Variants in PCDH15 observed in about 807,000 individuals in gnomAD.
The protein encoded by PCDH15 is protocadherin-15.
In PCDH15, 129 loss-of-function variants were observed where a neutral mutation model predicts 178.5. The ratio of observed to expected loss-of-function variants is 0.72; its 90% CI spans 0.63 to 0.84. The LOEUF (loss-of-function observed/expected upper bound fraction) is 0.84, where lower values mean the gene tolerates loss of function less well. PCDH15 is among the 40% of genes least tolerant of loss of function. PCDH15 has a pLI of 0.00. For synonymous variants in PCDH15, 800 were observed against 732.0 expected (o/e 1.09, Z -1.50); for missense variants, 2,230 against 2,099.9 (o/e 1.06, Z -1.21).
At chr10:54,005,257 A>T (rs1196877387) in intron 20 of PCDH15, among the ~76,000 whole-genome samples, 2 of 152,122 alleles carry the variant, frequency 1.3e-5, no homozygotes, top group Admixed American at 6.6e-5. Flanking sequence ...CTAGGCAAAG[A>T]TTTCTTGAGT....
At chr10:54,378,992 C>A (rs779802990) in intron 3 of PCDH15, 50 bp from the exon 4 acceptor site, 18 of 1,603,138 alleles carry the variant, frequency 1.1e-5, no homozygotes, top group South Asian at 6.6e-5. Flanking sequence ...CATATGAATT[C>A]TTTAGCAAAG....
At chr10:54,764,180 C>T (rs58796057) in intron 1 of PCDH15, among the ~76,000 whole-genome samples, 11,251 of 151,896 alleles carry the variant, frequency 0.074, 1,397 homozygotes, top group African/African-American at 0.26. Context: ...ATTCCAGGCA[C>T]AAACTGATCA....
intron 25 of PCDH15, among the ~76,000 whole-genome samples, chr10:53,932,087 G>A (rs1409643318): frequency 6.6e-6 from 1 of 152,204 alleles, no homozygotes; most frequent in Non-Finnish European, 1.5e-5. Flanking sequence ...GTTTAAAACA[G>A]ACATGGTCAA....
intron 2 of PCDH15, among the ~76,000 whole-genome samples, chr10:55,400,935 G>A (rs921701882): frequency 1.6e-4 from 25 of 152,042 alleles, no homozygotes; most frequent in African/African-American, 5.6e-4. Flanking sequence ...AGTGGGTGGC[G>A]TGGGAGATAA....
intron 26 of PCDH15, among the ~76,000 whole-genome samples, chr10:53,871,451 C>CGTGTGTGTGTGTGTGT (rs71461208): frequency 4.8e-5 from 7 of 146,804 alleles, no homozygotes; most frequent in South Asian, 2.2e-4. Context: ...TATATTCATA[C>CGTGTGTGTGTGTGTGT]GTGTGTGTGT....
At chr10:54,882,340 T>C (rs1346176454) in intron 3 of PCDH15, among the ~76,000 whole-genome samples, 1 of 152,038 alleles carries the variant, frequency 6.6e-6, no homozygotes, top group Non-Finnish European at 1.5e-5. Context: ...GGAGCCACTT[T>C]TTAAAGGATT....
At chr10:54,311,058 AC>A (rs1188470756) in intron 8 of PCDH15, among the ~76,000 whole-genome samples, 1 of 152,126 alleles carries the variant, frequency 6.6e-6, no homozygotes, top group East Asian at 1.9e-4. Flanking sequence ...TCATAGATAA[AC>A]CAGAGAAGCT....
chr10:54,434,225 A>G (rs1471927583), intron 3 of PCDH15, among the ~76,000 whole-genome samples: 1 of 149,974 alleles, frequency 6.7e-6, no homozygotes, highest in Non-Finnish European at 1.5e-5. Context: ...AAGATACAGT[A>G]AGCTAAGATT....
At chr10:55,006,616 C>T (rs1839933801) in intron 2 of PCDH15, among the ~76,000 whole-genome samples, 1 of 151,862 alleles carries the variant, frequency 6.6e-6, no homozygotes, top group Non-Finnish European at 1.5e-5. Context: ...GTCATTTAAA[C>T]GTGTATGGCA....
chr10:54,348,517 A>T (rs1446607570), intron 5 of PCDH15, among the ~76,000 whole-genome samples: 2 of 152,226 alleles, frequency 1.3e-5, no homozygotes, highest in Non-Finnish European at 2.9e-5. Context: ...CTTATCTTTT[A>T]TAAATATTCA....
At chr10:54,164,343 T>C (rs112746850) in intron 13 of PCDH15, among the ~76,000 whole-genome samples, 4 of 152,326 alleles carry the variant, frequency 2.6e-5, no homozygotes, top group African/African-American at 9.6e-5. Flanking sequence ...TAAATTCATT[T>C]ATGTAGTTAG....
upstream of PCDH15, chr10:54,801,331 CT>C (rs1272253689): frequency 2.0e-5 from 3 of 152,206 alleles, no homozygotes; most frequent in African/African-American, 7.2e-5. Context: ...AGCTATCTTG[CT>C]TCTCGCAGCA....
chr10:53,866,773 C>A lies in PCDH15; in HGVS notation c.3586G>T (p.Val1196Leu). The change falls in exon 27 of 38, where the codon GTA becomes TTA. Residue 1196 changes from valine to leucine, a missense_variant. Val to Leu is a conservative substitution (Grantham distance 32). Coordinates refer to ENST00000644397, the MANE Select transcript of PCDH15 (RefSeq NM_001384140.1). Reference sequence around the variant, plus strand: ...ATAAGCCCTGTATATGTTTCCACTACAAATCCTTCTTTTCCCTCTTTAATT... The same window carrying A: ...ATAAGCCCTGTATATGTTTCCACTAAAAATCCTTCTTTTCCCTCTTTAATT... ...PPIKEGKEGF[V>L]VETYTGLIKT... 6.2e-7 allele frequency: 1 copy of A among 1,613,266 alleles called. No individual in the cohort carries two copies. The highest frequency in any genetic ancestry group is 8.5e-7 in the Non-Finnish European group (1 of 1,179,404).
At chr10:54,729,861 C>G (rs1367318444) in intron 1 of PCDH15, among the ~76,000 whole-genome samples, 1 of 151,510 alleles carries the variant, frequency 6.6e-6, no homozygotes, top group African/African-American at 2.4e-5. Context: ...TAGTATCTTA[C>G]AACGCTCAGA....
At chr10:54,697,236 A>G (rs1372824205) in intron 1 of PCDH15, among the ~76,000 whole-genome samples, 24 of 152,058 alleles carry the variant, frequency 1.6e-4, no homozygotes, top group Admixed American at 1.6e-3. Context: ...ATCAGAAATA[A>G]CTTGTTTTAG....
intron 8 of PCDH15, among the ~76,000 whole-genome samples, chr10:54,287,831 G>A (rs987002912): frequency 2.6e-5 from 4 of 151,962 alleles, no homozygotes; most frequent in Non-Finnish European, 4.4e-5. Flanking sequence ...TAAGATAATC[G>A]AAGTTCTCTT....
At chr10:54,892,813 GC>G (rs1015578373) in intron 3 of PCDH15, among the ~76,000 whole-genome samples, 1 of 149,064 alleles carries the variant, frequency 6.7e-6, no homozygotes, top group Non-Finnish European at 1.5e-5. Flanking sequence ...TGCAGCCTCT[GC>G]CCCCCAGGTT....
intron 2 of PCDH15, among the ~76,000 whole-genome samples, chr10:55,042,523 G>A (rs1362868120): frequency 2.6e-5 from 4 of 152,066 alleles, no homozygotes; most frequent in African/African-American, 4.8e-5. Flanking sequence ...TAAATTTGGA[G>A]TAAAAGCAAG....
In PCDH15 at chr10:55,328,950, A is replaced by G. The variant is rs1219837870; in HGVS notation, c.-155-162299T>C. On this transcript the variant is annotated intron_variant, in intron 2 of 5. Transcript: ENST00000613346. ...TATATATATATATATATATATATAT[A>G]AAATATATAATATGGGGATGTACAC... Among the ~76,000 whole-genome samples, 3 of 134,850 alleles carry G rather than the reference A, an allele frequency of 2.2e-5. No homozygotes were observed. The East Asian group carries it at 6.5e-4, about 29-fold the overall frequency. 88.5% of individuals were successfully genotyped at this position (134,850 alleles called of 152,430 possible).
Sources: allele counts gnomAD v4.1 joint callset (sites outside exome capture counted in the v4.1 genomes callset), GRCh38; gene constraint gnomAD v4.1.1; transcripts MANE v1.5; gene names NCBI Gene and HGNC (gene_info 2026-07-23, HGNC 2026-07-21).